RAD51B: variants seen among roughly 807,000 people sequenced by gnomAD.
RAD51B encodes the protein RAD51 paralog B.
RAD51B carries 38 observed loss-of-function variants against 42.2 expected under a neutral mutation model. That is an observed-to-expected ratio of 0.90 (90% confidence interval 0.70 to 1.18). The LOEUF (loss-of-function observed/expected upper bound fraction) is 1.18. Ranked by LOEUF, RAD51B falls within the 50% of genes most tolerant of loss-of-function variation. The pLI is 0.00. For synonymous variants in RAD51B, 154 were observed against 145.2 expected, an observed-to-expected ratio of 1.06 and a Z score of -0.43; for missense variants, 373 against 400.7, an observed-to-expected ratio of 0.93 and a Z score of 0.59.
At chr14:68,231,080 C>T (rs1430929129) in intron 7 of RAD51B, among the ~76,000 whole-genome samples, 2 of 152,078 alleles carry the variant, frequency 1.3e-5, no homozygotes, top group African/African-American at 4.8e-5. Context: ...TACTTCTATC[C>T]GCTGAGGGAT....
At chr14:68,136,575 CAAAAAAAAA>C (rs1204817902) in intron 7 of RAD51B, among the ~76,000 whole-genome samples, 2 of 4,450 alleles carry the variant, frequency 4.5e-4, no homozygotes, top group African/African-American at 7.1e-4. Context: ...GACTCCATCT[CAAAAAAAAA>C]AAAAAAAAAA....
chr14:68,497,514 A>C, intron 10 of RAD51B: 1 of 1,061,282 alleles, frequency 9.4e-7, no homozygotes, highest in Non-Finnish European at 1.1e-6. Flanking sequence ...CTCTTTCTAA[A>C]ATATTTCATT....
At chr14:67,872,107 G>C (rs2042556430) in intron 5 of RAD51B, among the ~76,000 whole-genome samples, 1 of 150,812 alleles carries the variant, frequency 6.6e-6, no homozygotes, top group Non-Finnish European at 1.5e-5. Flanking sequence ...GCAGGAGAAG[G>C]AAATAAAGGG....
downstream of RAD51B, among the ~76,000 whole-genome samples, chr14:68,478,840 G>A (rs970793483): frequency 2.0e-5 from 3 of 152,178 alleles, no homozygotes; most frequent in Non-Finnish European, 2.9e-5. Context: ...GTCCTTTAAC[G>A]ACTCAGTATT....
intron 7 of RAD51B, among the ~76,000 whole-genome samples, chr14:68,169,287 C>T (rs985853494): frequency 8.1e-4 from 124 of 152,232 alleles, no homozygotes; most frequent in African/African-American, 2.9e-3. Context: ...GAGTCATATT[C>T]TGGTTATATT....
intron 7 of RAD51B, among the ~76,000 whole-genome samples, chr14:67,959,247 C>A (rs185564513): frequency 1.3e-5 from 2 of 151,640 alleles, no homozygotes; most frequent in Admixed American, 1.3e-4. Context: ...TTCCTTTGGT[C>A]AATATTTTTT....
At chr14:68,186,177 C>A (rs1313860204) in intron 7 of RAD51B, among the ~76,000 whole-genome samples, 1 of 152,114 alleles carries the variant, frequency 6.6e-6, no homozygotes. Context: ...AGAATGAAAC[C>A]AGACCCCTAC....
At chr14:68,124,728 C>T (rs777352434) in intron 7 of RAD51B, among the ~76,000 whole-genome samples, 7 of 151,878 alleles carry the variant, frequency 4.6e-5, no homozygotes, top group South Asian at 2.1e-4. Context: ...CCAAGGGGGG[C>T]GGATCATGAG....
At chr14:68,013,135 A>G (rs1566578258) in intron 7 of RAD51B, among the ~76,000 whole-genome samples, 1 of 152,060 alleles carries the variant, frequency 6.6e-6, no homozygotes, top group Non-Finnish European at 1.5e-5. Flanking sequence ...TCATTCATTT[A>G]TATGTCTGGC....
At chr14:68,569,313 C>G (rs906148012) in intron 10 of RAD51B, among the ~76,000 whole-genome samples, 1 of 152,216 alleles carries the variant, frequency 6.6e-6, no homozygotes, top group Admixed American at 6.5e-5. Flanking sequence ...AAAGGCCTCT[C>G]TCTCCCTCTT....
At chr14:68,650,986 C>T (rs934735248) in intron 11 of RAD51B, 16 of 580,956 alleles carry the variant, frequency 2.8e-5, no homozygotes, top group Middle Eastern at 4.4e-4. Context: ...TACAAATGGC[C>T]ACACATATCT....
At chr14:67,871,872 T>A (rs900068569) in intron 5 of RAD51B, among the ~76,000 whole-genome samples, 1 of 152,148 alleles carries the variant, frequency 6.6e-6, no homozygotes, top group Admixed American at 6.6e-5. Flanking sequence ...AAGAGGCCTT[T>A]GACAAAATTC....
Position 68,565,128 on chromosome 14 carries a change from C to T in RAD51B, c.1037-29357C>T, listed in dbSNP as rs1017222726. ...ACACACACACCCCACATGCACACAA[C>T]ACAAAGGTTTAAGCGCTCACTATAA... is the stretch of plus-strand genomic sequence containing the variant. On this transcript the variant is annotated intron_variant, in intron 10 of 10. Coordinates refer to the RAD51B transcript ENST00000487270. This position sits in a 1 kb window ranked among gnomAD's most constrained non-coding sequence, Gnocchi z 4.1. 3.3e-5 allele frequency among the ~76,000 whole-genome samples: 5 copies of T among 152,190 alleles called. No individual in the cohort carries two copies. Among genetic ancestry groups the T allele is most frequent in the African/African-American group, 1.2e-4 (5 of 41,440 alleles).
At position 68,605,364 on chromosome 14, in the gene RAD51B, G is replaced by A. The variant is rs1410194129; in HGVS notation, c.1037-5642G>A. On this transcript the variant is annotated intron_variant, in intron 10 of 10. Transcript: ENST00000487861. ...ACTTTCTGCAGAAAGGGTGCTCATC[G>A]CAGATGGAACAATGGTGAGAGTACA... Among the ~76,000 whole-genome samples, 13 of 152,342 alleles carry A rather than the reference G, an allele frequency of 8.5e-5. No individual in the cohort carries two copies. In the South Asian group the frequency reaches 1.2e-3, roughly 15 times the overall value.
intron 8 of RAD51B, among the ~76,000 whole-genome samples, chr14:68,404,904 C>T (rs1452598004): frequency 2.0e-4 from 30 of 152,154 alleles, no homozygotes; most frequent in Admixed American, 2.0e-3. Context: ...CCATCGGTAT[C>T]CTCCCAGAGA....
At chr14:68,634,359 G>A (rs141183134) in intron 10 of RAD51B, among the ~76,000 whole-genome samples, 1 of 152,138 alleles carries the variant, frequency 6.6e-6, no homozygotes, top group Non-Finnish European at 1.5e-5. Context: ...TACCTAAACC[G>A]AATGCCTTCA....
intron 7 of RAD51B, among the ~76,000 whole-genome samples, chr14:68,131,959 G>A (rs115327293): frequency 2.0e-5 from 3 of 152,318 alleles, no homozygotes; most frequent in Admixed American, 1.3e-4. Context: ...CCAGTTAATA[G>A]CATTTCTTAT....
At chr14:67,870,825 C>G (rs1373520271) in intron 5 of RAD51B, among the ~76,000 whole-genome samples, 1 of 118,438 alleles carries the variant, frequency 8.4e-6, no homozygotes, top group South Asian at 2.5e-4. Context: ...ACAACCTGCT[C>G]CTGAGTGACT....
intron 7 of RAD51B, among the ~76,000 whole-genome samples, chr14:67,995,572 T>C (rs78437798): frequency 0.023 from 3,565 of 152,058 alleles, 79 homozygotes; most frequent in African/African-American, 0.054. Flanking sequence ...TTCCCCCCTC[T>C]GAATACTATT....
Sources: allele counts gnomAD v4.1 joint callset (sites outside exome capture counted in the v4.1 genomes callset), GRCh38; gene constraint gnomAD v4.1.1; non-coding constraint Gnocchi (gnomAD v3.1); transcripts MANE v1.5; gene names NCBI Gene and HGNC (gene_info 2026-07-23, HGNC 2026-07-21).